CFAP46: variants seen among roughly 807,000 people sequenced by gnomAD.
CFAP46 encodes the protein cilia- and flagella-associated protein 46.
In CFAP46, 245 loss-of-function variants were observed where a neutral mutation model predicts 325.7. The ratio of observed to expected loss-of-function variants is 0.75; its 90% CI spans 0.68 to 0.84. The LOEUF (loss-of-function observed/expected upper bound fraction) is 0.84. Ranked by LOEUF, CFAP46 falls within the 40% of genes least tolerant of loss-of-function variation. The probability of loss-of-function intolerance (pLI) is 0.00; values close to 1 mark genes in which losing one functional copy is unlikely to be tolerated. For synonymous variants in CFAP46, 1,523 were observed against 1,495.9 expected (o/e 1.02, Z -0.42); for missense variants, 3,346 against 3,543.0 (o/e 0.94, Z 1.41).
chr10:132,851,048 C>T (rs1052447697), intron 40 of CFAP46, 69 bp downstream of exon 40: 18 of 1,577,406 alleles, frequency 1.1e-5, no homozygotes, highest in African/African-American at 1.4e-5. Flanking sequence ...CCTGCTGGAA[C>T]GGGGGTCCCA....
At chr10:132,932,110 T>G (rs1849918167) in intron 8 of CFAP46, among the ~76,000 whole-genome samples, 1 of 138,148 alleles carries the variant, frequency 7.2e-6, no homozygotes, top group African/African-American at 2.8e-5. Flanking sequence ...AGCCTGGGCC[T>G]TCCTCCTCCC....
intron 50 of CFAP46, among the ~76,000 whole-genome samples, chr10:132,822,099 A>T (rs1440505679): frequency 3.7e-3 from 205 of 55,578 alleles, no homozygotes; most frequent in Middle Eastern, 0.019. Context: ...GTGCTGTGTG[A>T]GTGCTGATGT....
At chr10:132,883,179 A>G (rs1000454167) in intron 27 of CFAP46, among the ~76,000 whole-genome samples, 8 of 152,328 alleles carry the variant, frequency 5.3e-5, no homozygotes, top group Middle Eastern at 3.4e-3. Context: ...CAGAAAGTGG[A>G]GACGTGGCTG....
chr10:132,834,504 A>T, intron 48 of CFAP46, 150 bp downstream of exon 48: 4 of 1,129,908 alleles, frequency 3.5e-6, no homozygotes, highest in Non-Finnish European at 4.9e-6. Flanking sequence ...AACCAGAAGA[A>T]TTGCTTCCTG....
rs1564791197 is a variant in CFAP46 at position 132,888,422 on chromosome 10, ACCCCTGCCGCCTGTACC to A, written c.3305-2480_3305-2464del. ...TGCCGCCTGCACCCCTGCCGCCTTC[ACCCCTGCCGCCTGTACC>A]CCTGCCACCTTCACCCCTGCCGCCT... On this transcript the variant is annotated intron_variant, in intron 25 of 57. Transcript: ENST00000368586. Among the ~76,000 whole-genome samples the A allele has an allele frequency of 3.3e-3, 165 of 50,524 alleles. 6 individuals carry two copies. The highest frequency in any genetic ancestry group is 4.7e-3 in the Non-Finnish European group (125 of 26,664). 33.1% of individuals were successfully genotyped at this position (50,524 alleles called of 152,430 possible).
In CFAP46 at chr10:132,817,049, ATCTC is replaced by A. The variant is rs1174668412; in HGVS notation, c.7118-2139_7118-2136del. On this transcript the variant is annotated intron_variant, in intron 50 of 57. Transcript: ENST00000368586. This position sits in a 1 kb window ranked among gnomAD's most constrained non-coding sequence, Gnocchi z 4.4. ...AAGATTGTTAATTATGTCGCCCTGA[ATCTC>A]TCTCTTTTTGCTCTTTGTCTGGACC... 6.6e-6 allele frequency among the ~76,000 whole-genome samples: 1 copy of A among 152,052 alleles called. No homozygotes were observed. Among genetic ancestry groups the A allele is most frequent in the Non-Finnish European group, 1.5e-5 (1 of 68,024 alleles).
chr10:132,838,992 T>C (rs1367250002), intron 44 of CFAP46, among the ~76,000 whole-genome samples: 2 of 152,234 alleles, frequency 1.3e-5, no homozygotes, highest in Non-Finnish European at 2.9e-5. Context: ...ACCATTAAAA[T>C]TATTGGCCAC....
rs1849102885 is a variant in CFAP46, at chr10:132,885,138, G to C, written c.3592C>G (p.Leu1198Val). 2 of 1,549,694 alleles carry C rather than the reference G, an allele frequency of 1.3e-6. No homozygotes were observed. Among genetic ancestry groups the C allele is most frequent in the Non-Finnish European group, 8.7e-7 (1 of 1,146,622 alleles). Residue 1198 changes from leucine to valine, a missense_variant, in exon 27 of 58, where the codon CTG (leucine) becomes GTG (valine). By Grantham distance (32) the Leu-to-Val change is conservative (BLOSUM62 1). Coordinates refer to ENST00000368586, the MANE Select transcript of CFAP46 (RefSeq NM_001200049.3). Reference protein sequence around the residue: ...ALNSPSVSGELACYNNAIQAL... With the variant: ...ALNSPSVSGEVACYNNAIQAL... ...TGGATGGCGTTGTTGTAGCAGGCCA[G>C]CTCTCCAGACACGCTCGGCGAGTTC...
intron 34 of CFAP46, 25 bp from the exon 35 acceptor site, chr10:132,866,196 G>A (rs937809449): frequency 1.7e-5 from 25 of 1,490,858 alleles, no homozygotes; most frequent in Middle Eastern, 3.7e-4. Context: ...AGCCCCAGGC[G>A]GCACGATCCT....
chr10:132,826,111 G>A lies in CFAP46; in HGVS notation c.7117+7247C>T, dbSNP rs71481959. On this transcript the variant is annotated intron_variant, in intron 50 of 57. Transcript: ENST00000368586. ...AGCCGGAGCCACAGAGACCAGCCAC[G>A]GAGCCAGGCAGGAGCCGGAGCCACA... Among the ~76,000 whole-genome samples the A allele has an allele frequency of 7.2e-3, 423 of 58,364 alleles. 8 individuals are homozygous for A. The highest frequency in any genetic ancestry group is 0.02 in the Middle Eastern group (2 of 102). 38.3% of individuals were successfully genotyped at this position (58,364 alleles called of 152,430 possible).
intron 33 of CFAP46, among the ~76,000 whole-genome samples, chr10:132,868,380 G>C (rs1338296524): frequency 6.6e-6 from 1 of 152,232 alleles, no homozygotes; most frequent in South Asian, 2.1e-4. Context: ...CAAAGACCAG[G>C]TTCCTGGGAC....
At chr10:132,842,403 C>T (rs1282171268) in intron 44 of CFAP46, among the ~76,000 whole-genome samples, 3 of 152,228 alleles carry the variant, frequency 2.0e-5, no homozygotes, top group Non-Finnish European at 4.4e-5. Context: ...CTGGTCACGA[C>T]CACTTAACGG....
Position 132,877,984 on chromosome 10 carries a change from C to A in CFAP46, c.4109G>T (p.Ser1370Ile). The change falls in exon 30 of 58, where the codon AGT becomes ATT. Residue 1370 changes from serine to isoleucine, a missense_variant. Coordinates refer to ENST00000368586, the MANE Select transcript of CFAP46 (RefSeq NM_001200049.3). The surrounding 1 kb of genome is among the most constrained non-coding windows in gnomAD (Gnocchi z 5.7). ...ACTCCTCTCCTTCTCCTTCTCTTTA[C>A]TCCTCTCATTCTCCTTCTCTTTTTT... ...LPKKEKENER[S>I]KEKEKERSKE... 1.3e-6 allele frequency: 2 copies of A among 1,550,144 alleles called. No homozygotes were observed. Among genetic ancestry groups the A allele is most frequent in the South Asian group, 2.4e-5 (2 of 84,036 alleles).
At chr10:132,834,881 A>T in intron 47 of CFAP46, 106 bp from the exon 48 acceptor site, 1 of 1,426,916 alleles carries the variant, frequency 7.0e-7, no homozygotes, top group East Asian at 2.4e-5. Context: ...CCCTTCTGCA[A>T]ACAGCATGGT....
Position 132,814,722 on chromosome 10 carries a change from G to A in CFAP46, c.7213C>T (p.Pro2405Ser), listed in dbSNP as rs533714351. 5 of 1,613,086 alleles carry A rather than the reference G, an allele frequency of 3.1e-6. No homozygotes were observed. Among genetic ancestry groups the A allele is most frequent in the African/African-American group, 1.3e-5 (1 of 74,910 alleles). The stretch of plus-strand genomic sequence containing the variant: ...TCTGAGTCGACTATGATGCAGTCAG[G>A]GGGGATGGTCCGGGGGATGCTGCCC... Reference protein sequence around the residue: ...RKGSIPRTIPPDCIIVDSDNF... With the variant: ...RKGSIPRTIPSDCIIVDSDNF... Residue 2405 changes from proline (P) to serine (S), a missense_variant, in exon 52 of 58, where the codon CCT becomes TCT. Coordinates refer to ENST00000368586, the MANE Select transcript of CFAP46 (RefSeq NM_001200049.3).
intron 25 of CFAP46, among the ~76,000 whole-genome samples, chr10:132,887,791 TCTCCC>T (rs1280589539): frequency 7.2e-5 from 6 of 83,008 alleles, no homozygotes; most frequent in Admixed American, 1.2e-4. Flanking sequence ...TCTCCTCTCC[TCTCCC>T]CTCTTCTCTC....
At chr10:132,917,561 A>C (rs1411640563) in intron 16 of CFAP46, among the ~76,000 whole-genome samples, 1 of 152,220 alleles carries the variant, frequency 6.6e-6, no homozygotes, top group Non-Finnish European at 1.5e-5. Context: ...ATGCCGAGGT[A>C]CCATCTCCCC....
At position 132,908,573 on chromosome 10, in the gene CFAP46, G is replaced by C; in HGVS notation, c.2819C>G (p.Thr940Arg). The C allele has an allele frequency of 6.5e-7, 1 of 1,550,270 alleles. No individual in the cohort carries two copies. Among genetic ancestry groups the C allele is most frequent in the Non-Finnish European group, 8.7e-7 (1 of 1,146,826 alleles). The part of the protein sequence containing the change: ...SDPLVELQTL[T>R]RLTHFAHAAR... ...TGCATGGGCGAAGTGGGTCAGCCGC[G>C]TCAGGGTCTGCAGCTCCACCAGGGG... is the stretch of plus-strand genomic sequence containing the variant. The change falls in exon 22 of 58, where the codon ACG (threonine) becomes AGG (arginine). Residue 940 changes from threonine (T) to arginine (R), a missense_variant. Physicochemically the swap from Thr to Arg is moderately conservative, Grantham distance 71 (BLOSUM62 -1). Transcript: ENST00000368586.
At chr10:132,921,459 AC>A (rs1849721532) in intron 13 of CFAP46, among the ~76,000 whole-genome samples, 1 of 152,012 alleles carries the variant, frequency 6.6e-6, no homozygotes, top group African/African-American at 2.4e-5. Context: ...GTGTCCCATT[AC>A]CCAAAGCCAG....
Sources: gnomAD v4.1 joint callset for allele counts (sites outside exome capture counted in the v4.1 genomes callset) on GRCh38, gnomAD v4.1.1 for gene constraint, Gnocchi (gnomAD v3.1) non-coding constraint, MANE v1.5 for transcripts, NCBI Gene and HGNC (gene_info 2026-07-23, HGNC 2026-07-21) for gene names.